The following KYAT3 variants were observed in gnomAD, a reference collection of about 807,000 sequenced individuals.
The protein encoded by KYAT3 is kynurenine--oxoglutarate transaminase 3.
KYAT3 carries 50 observed loss-of-function variants against 59.0 expected under a neutral mutation model. The ratio of observed to expected loss-of-function variants is 0.85; its 90% CI spans 0.68 to 1.07. The LOEUF is 1.07. KYAT3 is among the 50% of genes least tolerant of loss of function. KYAT3 has a pLI of 0.00. For synonymous variants in KYAT3, 148 were observed against 177.0 expected (o/e 0.84, Z 1.30); for missense variants, 497 against 533.3 (o/e 0.93, Z 0.67).
At chr1:88,987,562 T>C (rs768136414) in intron 2 of KYAT3, among the ~76,000 whole-genome samples, 2 of 152,184 alleles carry the variant, frequency 1.3e-5, no homozygotes, top group Non-Finnish European at 2.9e-5. Flanking sequence ...CATACAAAAA[T>C]AGCAATTTCA....
the KYAT3 span, among the ~76,000 whole-genome samples, chr1:88,928,121 A>G: frequency 6.6e-6 from 1 of 152,210 alleles, no homozygotes; most frequent in African/African-American, 2.4e-5. Context: ...GATGTCCACT[A>G]TAACACAGGG....
At chr1:88,982,147 C>G (rs757469737) in intron 2 of KYAT3, 23 of 949,952 alleles carry the variant, frequency 2.4e-5, no homozygotes, top group Non-Finnish European at 2.9e-5. Context: ...ACTTTCCTTA[C>G]ATAGGCATCT....
chr1:88,927,650 C>T, the KYAT3 span, among the ~76,000 whole-genome samples: 1 of 152,030 alleles, frequency 6.6e-6, no homozygotes, highest in South Asian at 2.1e-4. Context: ...TACCAGTATT[C>T]CCCGATTATG....
intron 5 of KYAT3, among the ~76,000 whole-genome samples, chr1:88,963,681 G>A (rs547206765): frequency 4.2e-4 from 64 of 152,266 alleles, no homozygotes; most frequent in Non-Finnish European, 5.7e-4. Flanking sequence ...ACTAGACAGG[G>A]AACACCTTCT....
the KYAT3 span, among the ~76,000 whole-genome samples, chr1:88,921,675 T>C: frequency 1.3e-5 from 2 of 151,854 alleles, no homozygotes; most frequent in African/African-American, 4.8e-5. Context: ...TGTAGATGTA[T>C]AGAAAAAGGC....
intron 4 of KYAT3, among the ~76,000 whole-genome samples, chr1:88,966,113 C>T (rs1371257924): frequency 6.6e-6 from 1 of 152,132 alleles, no homozygotes; most frequent in Non-Finnish European, 1.5e-5. Flanking sequence ...ATGTCCACAG[C>T]CTGGTGATAG....
downstream of KYAT3, among the ~76,000 whole-genome samples, chr1:88,934,036 T>A (rs779471276): frequency 3.3e-5 from 5 of 152,204 alleles, no homozygotes; most frequent in Non-Finnish European, 7.3e-5. Context: ...AAGTGCTGGT[T>A]TGGTAGCTTG....
At chr1:88,964,266 C>A (rs1676255965) in intron 5 of KYAT3, among the ~76,000 whole-genome samples, 1 of 152,116 alleles carries the variant, frequency 6.6e-6, no homozygotes, top group Non-Finnish European at 1.5e-5. Context: ...ACTGGGCACA[C>A]AAAGACATTG....
downstream of KYAT3, among the ~76,000 whole-genome samples, chr1:88,934,605 T>A (rs901005128): frequency 2.0e-5 from 3 of 152,198 alleles, no homozygotes. Flanking sequence ...GGTACAGGCA[T>A]GGAGCTCCAA....
At chr1:88,977,428 C>T (rs1486774486) in intron 2 of KYAT3, among the ~76,000 whole-genome samples, 1 of 152,202 alleles carries the variant, frequency 6.6e-6, no homozygotes, top group Admixed American at 6.5e-5. Flanking sequence ...TCTCGAACTC[C>T]TGACCTCAGG....
intron 1 of KYAT3, among the ~76,000 whole-genome samples, chr1:88,991,933 T>A (rs549098111): frequency 6.6e-6 from 1 of 152,008 alleles, no homozygotes; most frequent in Non-Finnish European, 1.5e-5. Context: ...AATGTTGGAT[T>A]CTGCTAAGCT....
chr1:88,929,266 C>G, the KYAT3 span, among the ~76,000 whole-genome samples: 1 of 152,142 alleles, frequency 6.6e-6, no homozygotes, highest in Non-Finnish European at 1.5e-5. Flanking sequence ...ACCCAACGGA[C>G]AGTGGAGGTT....
In KYAT3 at chr1:88,988,212, A is replaced by G. The variant is rs749043742; in HGVS notation, c.99+40T>C. The G allele has an allele frequency of 2.9e-6, 4 of 1,359,336 alleles. No individual in the cohort carries two copies. The African/African-American group carries it at 5.8e-5, about 20-fold the overall frequency. The allele number at this position is 1,359,336 out of a possible 1,614,324, so 84.2% of individuals were successfully genotyped here. A position where few individuals can be genotyped will look rare whatever the true frequency, so the allele number is the denominator to read the frequency against. On this transcript the variant is annotated intron_variant, in intron 2 of 13. Coordinates refer to ENST00000260508, the MANE Select transcript of KYAT3 (RefSeq NM_001008661.3). Reference sequence around the variant, plus strand: ...ATTACATATTTTTTGGACAGTGCAGAATATGTACAATAATTTATCTGTAAG... The same window carrying G: ...ATTACATATTTTTTGGACAGTGCAGGATATGTACAATAATTTATCTGTAAG...
chr1:88,949,311 A>G (rs1180698705), intron 10 of KYAT3, 34 bp from the exon 11 acceptor site: 1 of 1,442,540 alleles, frequency 6.9e-7, no homozygotes, highest in African/African-American at 1.4e-5. Flanking sequence ...ATGAAAAGGC[A>G]TATGGCAATG....
chr1:88,954,794 A>C (rs1675836367), intron 9 of KYAT3, among the ~76,000 whole-genome samples: 1 of 152,220 alleles, frequency 6.6e-6, no homozygotes, highest in African/African-American at 2.4e-5. Flanking sequence ...TATTTTTTTA[A>C]AGATGGTCTT....
At chr1:88,927,704 G>C in the KYAT3 span, among the ~76,000 whole-genome samples, 1 of 152,172 alleles carries the variant, frequency 6.6e-6, no homozygotes, top group Non-Finnish European at 1.5e-5. Flanking sequence ...CCCAGCCAGA[G>C]TGCATGTACC....
the KYAT3 span, among the ~76,000 whole-genome samples, chr1:88,925,626 A>G: frequency 2.7e-5 from 4 of 149,580 alleles, no homozygotes; most frequent in African/African-American, 9.9e-5. Flanking sequence ...TGTAATGGCT[A>G]AGAGAAGAGA....
chr1:88,930,206 G>A, the KYAT3 span, among the ~76,000 whole-genome samples: 1 of 152,202 alleles, frequency 6.6e-6, no homozygotes, highest in Non-Finnish European at 1.5e-5. Flanking sequence ...AGTATCTGAA[G>A]CAGTTAAAAT....
At chr1:88,977,532 T>C (rs1180634847) in intron 2 of KYAT3, among the ~76,000 whole-genome samples, 1 of 152,202 alleles carries the variant, frequency 6.6e-6, no homozygotes, top group Non-Finnish European at 1.5e-5. Flanking sequence ...AGAGACGAGG[T>C]TTCACCATGT....
Sources: allele counts gnomAD v4.1 joint callset (sites outside exome capture counted in the v4.1 genomes callset), GRCh38; gene constraint gnomAD v4.1.1; transcripts MANE v1.5; gene names NCBI Gene and HGNC (gene_info 2026-07-23, HGNC 2026-07-21).